Variants in RAP1GDS1 observed in about 807,000 individuals in gnomAD.
RAP1GDS1 encodes RAP1, GTP-GDP dissociation stimulator 1.
Under a neutral mutation model 71.1 loss-of-function variants are expected in RAP1GDS1, and 35 were observed. The ratio of observed to expected loss-of-function variants is 0.49; its 90% CI spans 0.38 to 0.65. The LOEUF is 0.65. RAP1GDS1 is among the 30% of genes least tolerant of loss of function. RAP1GDS1 has a pLI of 0.00. For missense variants in RAP1GDS1, 663 were observed against 706.1 expected (o/e 0.94, Z 0.69); for synonymous variants, 229 against 243.1 (o/e 0.94, Z 0.54).
intron 2 of RAP1GDS1, among the ~76,000 whole-genome samples, chr4:98,338,611 G>A (rs1454351212): frequency 1.3e-5 from 2 of 152,094 alleles, no homozygotes; most frequent in Non-Finnish European, 2.9e-5. Flanking sequence ...ACAATCTGCC[G>A]TAAGGATCCC....
intron 2 of RAP1GDS1, among the ~76,000 whole-genome samples, chr4:98,327,106 A>G (rs567096790): frequency 9.8e-5 from 15 of 152,290 alleles, no homozygotes; most frequent in African/African-American, 3.6e-4. Flanking sequence ...AGTAGTTTCT[A>G]TTACTTCCAG....
rs540323804 is a variant in RAP1GDS1 at position 98,336,716 on chromosome 4, G to A, written c.113-6423G>A. Among the ~76,000 whole-genome samples, 13 of 151,780 alleles carry A rather than the reference G, an allele frequency of 8.6e-5. No individual in the cohort carries two copies. The East Asian group carries it at 9.7e-4, about 11-fold the overall frequency. ...AAGTGAAAGAATTCACTTTCTTGTC[G>A]TCAGTGAAAGAATTGCCATTTTTTT... On this transcript the variant is annotated intron_variant, in intron 2 of 14. Transcript: ENST00000408927.
chr4:98,290,253 T>C (rs1447789734), intron 1 of RAP1GDS1, among the ~76,000 whole-genome samples: 1 of 152,020 alleles, frequency 6.6e-6, no homozygotes, highest in Non-Finnish European at 1.5e-5. Context: ...CTGAATAATA[T>C]TGTGAGGAAG....
At chr4:98,414,938 T>C (rs1257106024) in intron 7 of RAP1GDS1, among the ~76,000 whole-genome samples, 2 of 151,858 alleles carry the variant, frequency 1.3e-5, no homozygotes, top group Non-Finnish European at 2.9e-5. Context: ...TCACATCCCT[T>C]GTAAGTTGGA....
intron 4 of RAP1GDS1, among the ~76,000 whole-genome samples, chr4:98,356,347 CTG>C (rs1372520073): frequency 6.6e-6 from 1 of 152,000 alleles, no homozygotes; most frequent in Non-Finnish European, 1.5e-5. Context: ...GTTTATATAA[CTG>C]TACACATTTT....
intron 2 of RAP1GDS1, among the ~76,000 whole-genome samples, chr4:98,303,154 A>C (rs2110300202): frequency 6.6e-6 from 1 of 152,296 alleles, no homozygotes; most frequent in South Asian, 2.1e-4. Context: ...TGAAGGAATA[A>C]GAATTTTATA....
At chr4:98,405,091 C>G (rs1323461163) in intron 7 of RAP1GDS1, among the ~76,000 whole-genome samples, 1 of 152,096 alleles carries the variant, frequency 6.6e-6, no homozygotes, top group African/African-American at 2.4e-5. Context: ...CAAAGAGGAT[C>G]AGATATTAAT....
chr4:98,436,907 G>A (rs559053606), intron 13 of RAP1GDS1, 33 bp from the exon 14 acceptor site: 37 of 1,553,816 alleles, frequency 2.4e-5, no homozygotes, highest in Non-Finnish European at 3.0e-5. Context: ...TACTGGGTTC[G>A]TACGCAGTAG....
chr4:98,329,512 A>T (rs140568503), intron 2 of RAP1GDS1, among the ~76,000 whole-genome samples: 212 of 152,068 alleles, frequency 1.4e-3, no homozygotes, highest in African/African-American at 4.8e-3. Context: ...CATTAGGGCA[A>T]GGTGTGGTGG....
intron 2 of RAP1GDS1, among the ~76,000 whole-genome samples, chr4:98,315,925 A>C (rs983514654): frequency 6.6e-6 from 1 of 152,142 alleles, no homozygotes; most frequent in Non-Finnish European, 1.5e-5. Context: ...GGGAATAATA[A>C]ATCTTTAGAG....
chr4:98,295,134 A>C (rs1727543542), intron 2 of RAP1GDS1, among the ~76,000 whole-genome samples: 1 of 152,104 alleles, frequency 6.6e-6, no homozygotes, highest in South Asian at 2.1e-4. Context: ...ATAGCTTTTA[A>C]AAGAACAGAT....
Position 98,352,589 on chromosome 4 carries a change from T to C in RAP1GDS1, c.349T>C (p.Cys117Arg). Residue 117 changes from cysteine to arginine, a missense_variant, in exon 4 of 15, where the codon TGT (cysteine) becomes CGT (arginine). By Grantham distance (180) the Cys-to-Arg change is radical. Coordinates refer to ENST00000408927, the MANE Select transcript of RAP1GDS1 (RefSeq NM_001100427.2). ...AACGGGCAGGGCTCTAGGAAACATA[T>C]GTTACGATAGCCGTAAGTGTTGACA... ...LQTGRALGNICYDSHEGRSAV... is the reference protein window; with the variant it reads ...LQTGRALGNIRYDSHEGRSAV... 1.9e-6 allele frequency: 3 copies of C among 1,613,810 alleles called. No individual in the cohort carries two copies. Among genetic ancestry groups the C allele is most frequent in the Non-Finnish European group, 2.5e-6 (3 of 1,179,892 alleles).
intron 2 of RAP1GDS1, among the ~76,000 whole-genome samples, chr4:98,338,796 A>G (rs1343258176): frequency 7.2e-5 from 11 of 152,220 alleles, no homozygotes; most frequent in Admixed American, 7.2e-4. Context: ...TTTACTATAA[A>G]TTGGTCAATT....
intron 1 of RAP1GDS1, among the ~76,000 whole-genome samples, chr4:98,271,935 T>C (rs1248211248): frequency 6.6e-6 from 1 of 152,172 alleles, no homozygotes; most frequent in Non-Finnish European, 1.5e-5. Context: ...TCAGCTTGCA[T>C]AGAATCACTT....
chr4:98,280,393 T>C (rs1346503466), intron 1 of RAP1GDS1, among the ~76,000 whole-genome samples: 1 of 152,240 alleles, frequency 6.6e-6, no homozygotes, highest in Non-Finnish European at 1.5e-5. Flanking sequence ...GTCTGTTGGC[T>C]GCATAAATGT....
intron 10 of RAP1GDS1, 152 bp from the exon 11 acceptor site, chr4:98,419,867 A>G (rs575169448): frequency 1.8e-5 from 14 of 758,358 alleles, no homozygotes; most frequent in African/African-American, 7.1e-5. Context: ...ACTGAATTCC[A>G]TTCTTAAAAT....
chr4:98,417,894 A>G (rs535738178), intron 9 of RAP1GDS1, among the ~76,000 whole-genome samples: 1 of 152,284 alleles, frequency 6.6e-6, no homozygotes, highest in African/African-American at 2.4e-5. Context: ...TTAAGTATGA[A>G]TAATCCCCTG....
intron 2 of RAP1GDS1, among the ~76,000 whole-genome samples, chr4:98,315,556 G>A (rs1452514161): frequency 6.6e-6 from 1 of 152,082 alleles, no homozygotes. Context: ...CCTAAGCAAA[G>A]GGAGAGTATA....
intron 2 of RAP1GDS1, among the ~76,000 whole-genome samples, chr4:98,330,042 G>T (rs1733721133): frequency 6.6e-6 from 1 of 152,014 alleles, no homozygotes; most frequent in South Asian, 2.1e-4. Context: ...GTGAACAAAG[G>T]TCTCTGGTTT....
Sources: allele counts gnomAD v4.1 joint callset (sites outside exome capture counted in the v4.1 genomes callset), GRCh38; gene constraint gnomAD v4.1.1; transcripts MANE v1.5; gene names NCBI Gene and HGNC (gene_info 2026-07-23, HGNC 2026-07-21).